The following HUNK variants were observed in gnomAD, a reference collection of about 807,000 sequenced individuals.
HUNK encodes hormonally up-regulated neu tumor-associated kinase.
A neutral mutation model predicts 61.0 loss-of-function variants in HUNK; 21 were observed. The ratio of observed to expected loss-of-function variants is 0.34; its 90% confidence interval spans 0.24 to 0.50. The LOEUF (loss-of-function observed/expected upper bound fraction) is 0.50, where lower values mean the gene tolerates loss of function less well. Among genes scored for constraint, HUNK ranks in the 20% least tolerant of loss-of-function variants. The probability of loss-of-function intolerance (pLI) is 0.98; values close to 1 mark genes in which losing one functional copy is unlikely to be tolerated. For synonymous variants in HUNK, 371 were observed against 386.1 expected (o/e 0.96, Z 0.46); for missense variants, 772 against 945.7 (o/e 0.82, Z 2.41).
At chr21:31,992,895 ACT>A (rs2053180681) in intron 9 of HUNK, among the ~76,000 whole-genome samples, 1 of 152,024 alleles carries the variant, frequency 6.6e-6, no homozygotes, top group South Asian at 2.1e-4. Context: ...GCGTGGACTG[ACT>A]CTGAGGTTTG....
chr21:31,993,902 C>G (rs2053186757), intron 9 of HUNK, among the ~76,000 whole-genome samples: 1 of 152,152 alleles, frequency 6.6e-6, no homozygotes, highest in African/African-American at 2.4e-5. Flanking sequence ...CTGTGGCATG[C>G]TCCTGCCTCT....
intron 7 of HUNK, among the ~76,000 whole-genome samples, chr21:31,975,620 C>A (rs546026500): frequency 6.6e-6 from 1 of 152,050 alleles, no homozygotes; most frequent in Admixed American, 6.6e-5. Flanking sequence ...CATCTGATGG[C>A]GTGGAGTTGT....
At chr21:31,885,977 C>T (rs2052342928) in intron 1 of HUNK, among the ~76,000 whole-genome samples, 1 of 152,146 alleles carries the variant, frequency 6.6e-6, no homozygotes. Flanking sequence ...GTGATCCACC[C>T]GTCTCAGCCT....
At chr21:31,994,942 C>T (rs1471182687) in intron 9 of HUNK, among the ~76,000 whole-genome samples, 1 of 152,162 alleles carries the variant, frequency 6.6e-6, no homozygotes, top group Non-Finnish European at 1.5e-5. Context: ...TTGCTTGAGG[C>T]AGGAGTTCAA....
At chr21:31,908,091 TCTCA>T (rs1309978761) in intron 1 of HUNK, among the ~76,000 whole-genome samples, 1 of 152,146 alleles carries the variant, frequency 6.6e-6, no homozygotes, top group Non-Finnish European at 1.5e-5. Flanking sequence ...GGAGTATGTG[TCTCA>T]CTATGACTAT....
Position 32,000,017 on chromosome 21 carries a change from T to A in HUNK, c.*833T>A. On this transcript the variant is annotated 3_prime_UTR_variant, in exon 11 of 11. Coordinates refer to ENST00000270112, the MANE Select transcript of HUNK (RefSeq NM_014586.2). ...GAGCAAAAAAGCTGACTGTGGTGAT[T>A]TGCTGAGTGCTGTGGCCCACAGGCA... The A allele has an allele frequency of 5.0e-6, 2 of 397,584 alleles. No homozygotes were observed. The allele number at this position is 397,584 out of a possible 1,614,324, so 24.6% of individuals were successfully genotyped here.
At chr21:31,947,143 A>T (rs949554412) in intron 4 of HUNK, among the ~76,000 whole-genome samples, 1 of 146,352 alleles carries the variant, frequency 6.8e-6, no homozygotes, top group Non-Finnish European at 1.5e-5. Flanking sequence ...TTCTCAAGCC[A>T]TTGGCGCCTG....
Position 31,999,166 on chromosome 21 carries a change from G to C in HUNK, c.2127G>C (p.Gly709=). The stretch of plus-strand genomic sequence containing the variant: ...ACCTTGCCTTTGACATGGCCGATGG[G>C]GTCAAGACCCAGTGCTAACTTGGGC... ...PVNLAFDMAD[G]VKTQC is the part of the protein sequence containing the mutation. Residue 709 remains glycine, a synonymous_variant, in exon 11 of 11, where the codon GGG becomes GGC. Transcript: ENST00000270112. The C allele has an allele frequency of 6.8e-6, 11 of 1,606,220 alleles. No homozygotes were observed. The highest frequency in any genetic ancestry group is 9.4e-6 in the Non-Finnish European group (11 of 1,176,050).
chr21:31,888,218 G>A (rs1299793737), intron 1 of HUNK, among the ~76,000 whole-genome samples: 1 of 152,154 alleles, frequency 6.6e-6, no homozygotes, highest in African/African-American at 2.4e-5. Flanking sequence ...AGTGTTTGGA[G>A]TCCAAACTGC....
At chr21:31,911,616 A>T (rs1205066548) in intron 1 of HUNK, among the ~76,000 whole-genome samples, 1 of 152,058 alleles carries the variant, frequency 6.6e-6, no homozygotes, top group African/African-American at 2.4e-5. Flanking sequence ...ACTTTTGGGT[A>T]GCCTTCCTGT....
chr21:31,947,124 C>G (rs972255473), intron 4 of HUNK, among the ~76,000 whole-genome samples: 28 of 149,930 alleles, frequency 1.9e-4, no homozygotes, highest in Non-Finnish European at 3.1e-4. Context: ...TATGCATTCC[C>G]ACAGCCCATT....
intron 8 of HUNK, among the ~76,000 whole-genome samples, chr21:31,984,187 G>A (rs11700622): frequency 0.064 from 9,711 of 152,138 alleles, 393 homozygotes; most frequent in South Asian, 0.1. Flanking sequence ...GGTGACTATA[G>A]TTAACAGTAA....
chr21:31,979,515 CTTTTTTTTTTTTTTTT>C (rs71193166), intron 7 of HUNK, among the ~76,000 whole-genome samples: 2 of 34,298 alleles, frequency 5.8e-5, no homozygotes, highest in African/African-American at 1.2e-4. Context: ...TGTTTGCATT[CTTTTTTTTTTTTTTTT>C]TTTTTTTTTT....
intron 1 of HUNK, among the ~76,000 whole-genome samples, chr21:31,904,614 C>T (rs2052492347): frequency 6.6e-6 from 1 of 152,170 alleles, no homozygotes; most frequent in Non-Finnish European, 1.5e-5. Context: ...AGTCATGTTG[C>T]TTCCTCTCCG....
chr21:31,931,068 C>CA (rs10673838), intron 2 of HUNK, among the ~76,000 whole-genome samples: 43,761 of 75,336 alleles, frequency 0.58, 11,815 homozygotes, highest in Non-Finnish European at 0.67. Flanking sequence ...AAGACCTAAC[C>CA]AAAAAAAAAA....
chr21:31,970,340 G>A (rs970413482), intron 6 of HUNK, among the ~76,000 whole-genome samples: 4 of 152,146 alleles, frequency 2.6e-5, no homozygotes, highest in South Asian at 4.1e-4. Flanking sequence ...GTTTCACTCC[G>A]TTGCCATCTA....
At chr21:31,912,965 T>A (rs1363174561) in intron 1 of HUNK, among the ~76,000 whole-genome samples, 1 of 152,228 alleles carries the variant, frequency 6.6e-6, no homozygotes, top group East Asian at 1.9e-4. Context: ...GTCGTGGGAT[T>A]TCCCAAGGCA....
chr21:31,890,972 A>T (rs375617382), intron 1 of HUNK, among the ~76,000 whole-genome samples: 35 of 128,432 alleles, frequency 2.7e-4, no homozygotes, highest in African/African-American at 1.1e-3. Context: ...TCTTTTGTTT[A>T]AAAAAAAAAA....
chr21:31,942,077 G>A (rs936820174), intron 3 of HUNK, among the ~76,000 whole-genome samples: 1 of 152,244 alleles, frequency 6.6e-6, no homozygotes, highest in African/African-American at 2.4e-5. Flanking sequence ...AGGCGTGGTA[G>A]CGTGCGCCTA....
Sources: allele counts gnomAD v4.1 joint callset (sites outside exome capture counted in the v4.1 genomes callset), GRCh38; gene constraint gnomAD v4.1.1; transcripts MANE v1.5; gene names NCBI Gene and HGNC (gene_info 2026-07-23, HGNC 2026-07-21).